Variants in LRRC4C observed in about 807,000 individuals in gnomAD.
LRRC4C encodes leucine rich repeat containing 4C.
A neutral mutation model predicts 33.6 loss-of-function variants in LRRC4C; 5 were observed. The ratio of observed to expected loss-of-function variants is 0.15; its 90% confidence interval spans 0.08 to 0.31. The LOEUF is 0.31. LRRC4C is among the 10% of genes least tolerant of loss of function. LRRC4C has a pLI of 1.00. For missense variants in LRRC4C, 560 were observed against 796.7 expected (o/e 0.70, Z 3.58); for synonymous variants, 329 against 302.0 (o/e 1.09, Z -0.93).
intron 1 of LRRC4C, among the ~76,000 whole-genome samples, chr11:41,177,161 T>C (rs963204063): frequency 6.6e-6 from 1 of 152,136 alleles, no homozygotes; most frequent in African/African-American, 2.4e-5. Context: ...AAGGAGTGGA[T>C]ATGTCTGGCA....
At chr11:40,264,005 T>C (rs1039829338) in intron 4 of LRRC4C, among the ~76,000 whole-genome samples, 8 of 152,148 alleles carry the variant, frequency 5.3e-5, no homozygotes, top group African/African-American at 1.9e-4. Context: ...AGGCACCGGA[T>C]TGAGAAATAA....
intron 1 of LRRC4C, among the ~76,000 whole-genome samples, chr11:41,303,079 G>GTCCCTCTCTCTCTCCCTC (rs1232020750): frequency 9.6e-6 from 1 of 104,016 alleles, no homozygotes; most frequent in Non-Finnish European, 2.3e-5. Context: ...TACTGCATTA[G>GTCCCTCTCTCTCTCCCTC]TCCCTCTCCC....
At chr11:40,675,083 A>C (rs920003318) in intron 2 of LRRC4C, among the ~76,000 whole-genome samples, 1 of 152,152 alleles carries the variant, frequency 6.6e-6, no homozygotes, top group Non-Finnish European at 1.5e-5. Context: ...TTACTTTTAA[A>C]TTTATTTCAT....
intron 2 of LRRC4C, among the ~76,000 whole-genome samples, chr11:40,707,907 C>A (rs1307174543): frequency 6.6e-6 from 1 of 152,136 alleles, no homozygotes; most frequent in Non-Finnish European, 1.5e-5. Context: ...TTGGTCTATT[C>A]AGCAATTCAA....
At chr11:40,935,900 A>G (rs114537754) in intron 1 of LRRC4C, among the ~76,000 whole-genome samples, 3,084 of 150,560 alleles carry the variant, frequency 0.02, 115 homozygotes, top group African/African-American at 0.065. Flanking sequence ...GTCCTCAGCT[A>G]TAAACTAGAG....
intron 3 of LRRC4C, among the ~76,000 whole-genome samples, chr11:40,596,938 C>A (rs967460952): frequency 1.3e-5 from 2 of 151,896 alleles, no homozygotes; most frequent in African/African-American, 4.8e-5. Context: ...ATTATTGATA[C>A]ACAAAAAAGA....
At chr11:40,908,997 CATT>C (rs1352116804) in intron 2 of LRRC4C, among the ~76,000 whole-genome samples, 1 of 152,074 alleles carries the variant, frequency 6.6e-6, no homozygotes, top group Non-Finnish European at 1.5e-5. Flanking sequence ...TTGCTCCTGA[CATT>C]ATTACTATAT....
intron 1 of LRRC4C, among the ~76,000 whole-genome samples, chr11:41,052,139 C>CA (rs971885343): frequency 2.6e-5 from 4 of 152,084 alleles, no homozygotes; most frequent in African/African-American, 9.7e-5. Context: ...CCCTTGCATC[C>CA]ACTGCACACC....
chr11:41,456,940 C>T (rs569717636), intron 1 of LRRC4C, among the ~76,000 whole-genome samples: 7 of 152,280 alleles, frequency 4.6e-5, no homozygotes, highest in African/African-American at 1.7e-4. Flanking sequence ...GGGAGAAATG[C>T]TTTGCACATT....
intron 1 of LRRC4C, among the ~76,000 whole-genome samples, chr11:41,013,246 A>G (rs776906876): frequency 6.6e-6 from 1 of 152,228 alleles, no homozygotes; most frequent in Admixed American, 6.5e-5. Flanking sequence ...CACTTTTAAC[A>G]TCTAGTTACT....
intron 5 of LRRC4C, among the ~76,000 whole-genome samples, chr11:40,230,622 G>A (rs915801042): frequency 2.6e-5 from 4 of 152,150 alleles, no homozygotes; most frequent in Admixed American, 2.6e-4. Context: ...TTTATTTTAA[G>A]CAGAATGAAT....
chr11:40,420,878 A>G (rs754764278), intron 3 of LRRC4C, among the ~76,000 whole-genome samples: 1 of 152,262 alleles, frequency 6.6e-6, no homozygotes, highest in African/African-American at 2.4e-5. Flanking sequence ...GATAAGAACT[A>G]TTAACATGTT....
intron 3 of LRRC4C, among the ~76,000 whole-genome samples, chr11:40,546,075 T>TACC (rs1201312060): frequency 3.4e-5 from 4 of 116,324 alleles, no homozygotes; most frequent in Non-Finnish European, 5.1e-5. Context: ...CCTTCCTTCC[T>TACC]TCCTTCCTAC....
intron 1 of LRRC4C, among the ~76,000 whole-genome samples, chr11:41,337,078 T>G (rs1173058068): frequency 6.6e-6 from 1 of 152,018 alleles, no homozygotes; most frequent in African/African-American, 2.4e-5. Flanking sequence ...AGGGTCTTGC[T>G]TTGTCACCCA....
At chr11:40,881,944 T>C (rs1202048065) in intron 2 of LRRC4C, among the ~76,000 whole-genome samples, 1 of 152,084 alleles carries the variant, frequency 6.6e-6, no homozygotes, top group Non-Finnish European at 1.5e-5. Flanking sequence ...CTGCTTCCAG[T>C]CTTACTTCTT....
chr11:41,022,971 C>G (rs1856087571), intron 1 of LRRC4C, among the ~76,000 whole-genome samples: 1 of 151,902 alleles, frequency 6.6e-6, no homozygotes, highest in South Asian at 2.1e-4. Flanking sequence ...ATCACTAACT[C>G]ACAAATCTGT....
chr11:41,161,724 T>G (rs892891541), intron 1 of LRRC4C, among the ~76,000 whole-genome samples: 4 of 152,204 alleles, frequency 2.6e-5, no homozygotes, highest in African/African-American at 9.7e-5. Context: ...GTTCATCTTA[T>G]GTGCATGTGA....
chr11:41,171,278 C>T (rs936855430), intron 1 of LRRC4C, among the ~76,000 whole-genome samples: 1 of 152,130 alleles, frequency 6.6e-6, no homozygotes, highest in Non-Finnish European at 1.5e-5. Context: ...GATTGTAAAT[C>T]ATGCTGCTTT....
chr11:40,485,419 T>C (rs749497773), intron 3 of LRRC4C, among the ~76,000 whole-genome samples: 36 of 152,014 alleles, frequency 2.4e-4, no homozygotes, highest in Non-Finnish European at 1.0e-4. Context: ...ATTCTGTTTT[T>C]TCTTTTTGGC....
Sources: gnomAD v4.1 joint callset for allele counts (sites outside exome capture counted in the v4.1 genomes callset) on GRCh38, gnomAD v4.1.1 for gene constraint, MANE v1.5 for transcripts, NCBI Gene and HGNC (gene_info 2026-07-23, HGNC 2026-07-21) for gene names.